ZDHHC14: variants seen among roughly 807,000 people sequenced by gnomAD.
The protein encoded by ZDHHC14 is palmitoyltransferase ZDHHC14.
In ZDHHC14, 16 loss-of-function variants were observed where a neutral mutation model predicts 47.7. The ratio of observed to expected loss-of-function variants is 0.34; its 90% CI spans 0.23 to 0.51. The LOEUF is 0.51. Among genes scored for constraint, ZDHHC14 ranks in the 20% least tolerant of loss-of-function variants. The pLI is 0.97. For missense variants in ZDHHC14, 515 were observed against 662.5 expected (o/e 0.78, Z 2.44); for synonymous variants, 293 against 278.9 (o/e 1.05, Z -0.50).
chr6:157,398,220 CTG>C (rs1422320921), intron 1 of ZDHHC14, among the ~76,000 whole-genome samples: 1 of 152,192 alleles, frequency 6.6e-6, no homozygotes, highest in Non-Finnish European at 1.5e-5. Context: ...TGGCCCAAGA[CTG>C]AGGTACTGCT....
intron 1 of ZDHHC14, among the ~76,000 whole-genome samples, chr6:157,484,337 ACATTATACG>A (rs1779716939): frequency 7.0e-6 from 1 of 142,976 alleles, no homozygotes; most frequent in African/African-American, 2.5e-5. Context: ...ACGTATATAT[ACATTATACG>A]TATATATACA....
At chr6:157,478,527 G>A (rs1160661963) in intron 1 of ZDHHC14, among the ~76,000 whole-genome samples, 1 of 152,136 alleles carries the variant, frequency 6.6e-6, no homozygotes, top group African/African-American at 2.4e-5. Flanking sequence ...TTTGCTGAAA[G>A]TGACCTTCCA....
chr6:157,483,401 A>G (rs182305727), intron 1 of ZDHHC14, among the ~76,000 whole-genome samples: 31 of 152,304 alleles, frequency 2.0e-4, no homozygotes, highest in African/African-American at 7.0e-4. Flanking sequence ...TGGGCAGTGC[A>G]TTATTTGTCC....
chr6:157,580,673 C>T (rs1327063516), intron 2 of ZDHHC14, among the ~76,000 whole-genome samples: 1 of 151,406 alleles, frequency 6.6e-6, no homozygotes, highest in African/African-American at 2.4e-5. Context: ...AGTTTGTCTG[C>T]ATAGAGGTGT....
rs1778588179 is a variant in ZDHHC14 at position 157,442,839 on chromosome 6, T to C, written c.245+60573T>C. Among the ~76,000 whole-genome samples the C allele has an allele frequency of 2.0e-5, 3 of 152,338 alleles. No individual in the cohort carries two copies. The South Asian group carries it at 6.2e-4, about 32-fold the overall frequency. On this transcript the variant is annotated intron_variant, in intron 1 of 8. Transcript: ENST00000359775. ...TGCAGCACCCCTGGTGGATTTTATT[T>C]TTTAAATAGCAACAATTCTAAGACC...
intron 3 of ZDHHC14, among the ~76,000 whole-genome samples, chr6:157,607,416 A>G (rs1224475081): frequency 6.6e-6 from 1 of 152,144 alleles, no homozygotes; most frequent in African/African-American, 2.4e-5. Flanking sequence ...AAACAAACCA[A>G]CTACAGTAGG....
intron 1 of ZDHHC14, among the ~76,000 whole-genome samples, chr6:157,455,135 A>G (rs1778884635): frequency 6.6e-6 from 1 of 152,212 alleles, no homozygotes. Context: ...TTAGGAGTGA[A>G]CTGAGCAGGG....
chr6:157,458,890 T>C (rs1778997887), intron 1 of ZDHHC14, among the ~76,000 whole-genome samples: 2 of 128,292 alleles, frequency 1.6e-5, no homozygotes, highest in Non-Finnish European at 3.3e-5. Flanking sequence ...GTTTCGCTCT[T>C]GTTGCCCATG....
chr6:157,447,787 G>A (rs1290665092), intron 1 of ZDHHC14, among the ~76,000 whole-genome samples: 2 of 152,174 alleles, frequency 1.3e-5, no homozygotes, highest in African/African-American at 2.4e-5. Flanking sequence ...GTGGGCCTCT[G>A]TTATACTTTT....
At chr6:157,482,441 C>A (rs1779654936) in intron 1 of ZDHHC14, among the ~76,000 whole-genome samples, 1 of 151,128 alleles carries the variant, frequency 6.6e-6, no homozygotes, top group Admixed American at 6.6e-5. Context: ...TTAGTAGAGA[C>A]CGGGGTTTCA....
chr6:157,410,363 G>T (rs1777850051), intron 1 of ZDHHC14, among the ~76,000 whole-genome samples: 1 of 152,152 alleles, frequency 6.6e-6, no homozygotes, highest in African/African-American at 2.4e-5. Context: ...TGCTATTTGG[G>T]TCCAGGGGAG....
At position 157,672,945 on chromosome 6, in the gene ZDHHC14, A is replaced by G; in HGVS notation, c.1290A>G (p.Lys430=). Reference sequence around the variant, plus strand: ...CGCTCGCGGACGTGATGCCCCGGAAAGATGAGCACATGGGCCACCAGTTCC... The same window carrying G: ...CGCTCGCGGACGTGATGCCCCGGAAGGATGAGCACATGGGCCACCAGTTCC... ...EATLADVMPR[K]DEHMGHQFLT... is the part of the protein sequence containing the mutation. Residue 430 remains lysine, a synonymous_variant, in exon 9 of 9, where the codon AAA becomes AAG. Coordinates refer to ENST00000359775, the MANE Select transcript of ZDHHC14 (RefSeq NM_024630.3). 1 of 1,601,950 alleles carries G rather than the reference A, an allele frequency of 6.2e-7. No individual in the cohort carries two copies. Among genetic ancestry groups the G allele is most frequent in the Non-Finnish European group, 8.5e-7 (1 of 1,176,686 alleles).
chr6:157,533,550 A>G (rs148249100), intron 1 of ZDHHC14, among the ~76,000 whole-genome samples: 200 of 152,346 alleles, frequency 1.3e-3, no homozygotes, highest in Middle Eastern at 3.4e-3. Flanking sequence ...GAGGAGAGGC[A>G]GGCCTGGCTT....
chr6:157,548,190 G>T (rs1782065086), intron 2 of ZDHHC14, among the ~76,000 whole-genome samples: 1 of 151,852 alleles, frequency 6.6e-6, no homozygotes, highest in Non-Finnish European at 1.5e-5. Context: ...TTTTCAGAAG[G>T]TGAGATTTTC....
At chr6:157,523,500 G>A (rs1781036797) in intron 1 of ZDHHC14, among the ~76,000 whole-genome samples, 1 of 152,062 alleles carries the variant, frequency 6.6e-6, no homozygotes, top group Non-Finnish European at 1.5e-5. Context: ...ACAGACTTGC[G>A]GATTTCTTCT....
intron 1 of ZDHHC14, among the ~76,000 whole-genome samples, chr6:157,509,228 T>C (rs745694213): frequency 1.3e-5 from 2 of 152,182 alleles, no homozygotes; most frequent in Non-Finnish European, 2.9e-5. Flanking sequence ...CCCACCTGGA[T>C]GATCCAGGAT....
intron 3 of ZDHHC14, among the ~76,000 whole-genome samples, chr6:157,594,418 G>A (rs1017568293): frequency 2.0e-5 from 3 of 152,288 alleles, no homozygotes; most frequent in South Asian, 2.1e-4. Flanking sequence ...CATGGCCTGG[G>A]TTCAAATACC....
chr6:157,451,696 G>A (rs898797259), intron 1 of ZDHHC14, among the ~76,000 whole-genome samples: 2 of 152,112 alleles, frequency 1.3e-5, no homozygotes, highest in African/African-American at 4.8e-5. Context: ...GAGTAGCTGG[G>A]ATTACAGGTG....
rs770630382 is a variant in ZDHHC14 at position 157,502,722 on chromosome 6, G to T, written c.246-39863G>T. ...TTGTTTGTTTTTTAGACAGGGTCTT[G>T]CTCTGTCACCCAGGCTGGAGTGCAG... is the stretch of plus-strand genomic sequence containing the variant. On this transcript the variant is annotated intron_variant, in intron 1 of 8. Transcript: ENST00000359775. This position sits in a 1 kb window ranked among gnomAD's most constrained non-coding sequence, Gnocchi z 4.0. Among the ~76,000 whole-genome samples, 15 of 152,060 alleles carry T rather than the reference G, an allele frequency of 9.9e-5. No individual in the cohort carries two copies. Among genetic ancestry groups the T allele is most frequent in the Non-Finnish European group, 2.1e-4 (14 of 67,992 alleles).
Sources: allele counts gnomAD v4.1 joint callset (sites outside exome capture counted in the v4.1 genomes callset), GRCh38; gene constraint gnomAD v4.1.1; non-coding constraint Gnocchi (gnomAD v3.1); transcripts MANE v1.5; gene names NCBI Gene and HGNC (gene_info 2026-07-23, HGNC 2026-07-21).